The following TIAM2 variants were observed in gnomAD, a reference collection of about 807,000 sequenced individuals.
TIAM2 encodes the protein TIAM Rac1 associated GEF 2, also known as rho guanine nucleotide exchange factor TIAM2.
In TIAM2, 80 loss-of-function variants were observed where a neutral mutation model predicts 152.9. The observed-to-expected ratio is 0.52, with a 90% CI of 0.44 to 0.63. The LOEUF (loss-of-function observed/expected upper bound fraction) is 0.63, where lower values mean the gene tolerates loss of function less well. Ranked by LOEUF, TIAM2 falls within the 30% of genes least tolerant of loss-of-function variation. TIAM2 has a pLI of 0.00. For missense variants in TIAM2, 1,965 were observed against 2,120.1 expected, an observed-to-expected ratio of 0.93 and a Z score of 1.44; for synonymous variants, 804 against 838.0, an observed-to-expected ratio of 0.96 and a Z score of 0.70.
chr6:155,025,186 A>C (rs1776574044), intron 1 of TIAM2, among the ~76,000 whole-genome samples: 3 of 117,774 alleles, frequency 2.5e-5, no homozygotes, highest in African/African-American at 9.8e-5. Flanking sequence ...CGTCTGGCTA[A>C]TTTTTGTATT....
intron 9 of TIAM2, among the ~76,000 whole-genome samples, chr6:155,172,669 TATATATATATATATATA>T (rs1195851702): frequency 6.9e-3 from 66 of 9,576 alleles, no homozygotes; most frequent in African/African-American, 0.021. Flanking sequence ...TATATATATA[TATATATATATATATATA>T]TTTTTTTTTT....
At position 155,254,512 on chromosome 6, in the gene TIAM2, G is replaced by A. The variant is rs1562377084; in HGVS notation, c.4407G>A (p.Glu1469=). Residue 1469 remains glutamate, a synonymous_variant, in exon 26 of 27, where the codon GAG becomes GAA. Coordinates refer to ENST00000682666, the MANE Select transcript of TIAM2 (RefSeq NM_012454.4). ...RRHIKCELPL[E]KTCKDRLVPL... is the part of the protein sequence containing the mutation. The stretch of plus-strand genomic sequence containing the variant: ...ACATAAAGTGTGAATTACCACTGGA[G>A]AAAACGTGTAAGGATCGCCTGGTAC... 42 of 1,614,060 alleles carry A rather than the reference G, an allele frequency of 2.6e-5. No individual in the cohort carries two copies. The highest frequency in any genetic ancestry group is 3.4e-5 in the Non-Finnish European group (40 of 1,180,004).
intron 9 of TIAM2, among the ~76,000 whole-genome samples, chr6:155,167,068 A>G (rs1001809007): frequency 1.3e-5 from 2 of 152,158 alleles, no homozygotes; most frequent in Non-Finnish European, 2.9e-5. Context: ...CTTGTTTAAA[A>G]CCTTAAAACA....
intron 1 of TIAM2, among the ~76,000 whole-genome samples, chr6:155,000,249 G>A (rs537024599): frequency 6.6e-6 from 1 of 152,172 alleles, no homozygotes; most frequent in East Asian, 1.9e-4. Context: ...GAACTGTTAA[G>A]CTGGGCTGGG....
intron 14 of TIAM2, among the ~76,000 whole-genome samples, chr6:155,207,872 C>T (rs568669024): frequency 5.3e-5 from 8 of 152,234 alleles, no homozygotes; most frequent in South Asian, 4.2e-4. Flanking sequence ...AACAGTGGTT[C>T]GGGGAGTTTT....
At chr6:155,254,198 G>C (rs183943176) in intron 25 of TIAM2, 138 bp downstream of exon 25, 4 of 1,028,060 alleles carry the variant, frequency 3.9e-6, no homozygotes, top group Non-Finnish European at 5.6e-6. Flanking sequence ...AGGCAACTGA[G>C]GCCGCTAGTA....
intron 7 of TIAM2, among the ~76,000 whole-genome samples, chr6:155,155,417 C>G (rs977115020): frequency 4.6e-5 from 7 of 152,182 alleles, no homozygotes; most frequent in Admixed American, 3.9e-4. Flanking sequence ...CCGCCTGCCT[C>G]AGCCTCCCAA....
At chr6:155,016,332 C>T (rs947946089) in intron 1 of TIAM2, 1 of 152,150 alleles carries the variant, frequency 6.6e-6, no homozygotes, top group Non-Finnish European at 1.5e-5. Flanking sequence ...CTGCACTTGA[C>T]CTGGAAGGAT....
At chr6:155,111,705 T>C (rs1013685309) in intron 2 of TIAM2, among the ~76,000 whole-genome samples, 13 of 152,204 alleles carry the variant, frequency 8.5e-5, no homozygotes, top group African/African-American at 3.1e-4. Context: ...ATTTTAGGAA[T>C]GGCCCCTCTC....
At chr6:155,069,181 G>A (rs556762625) in intron 1 of TIAM2, among the ~76,000 whole-genome samples, 1 of 152,030 alleles carries the variant, frequency 6.6e-6, no homozygotes, top group Non-Finnish European at 1.5e-5. Flanking sequence ...TACAACCTCC[G>A]CCTCCCAGGT....
chr6:155,085,303 T>A lies in TIAM2; in HGVS notation c.-208-4986T>A, dbSNP rs977193894. 3.3e-5 allele frequency among the ~76,000 whole-genome samples: 5 copies of A among 152,176 alleles called. No individual in the cohort carries two copies. In the East Asian group the frequency reaches 9.7e-4, roughly 29 times the overall value. ...AAGAAGGCATGAATTTGAGAGAAAA[T>A]TTTTAGTAACAAATGCATTCTACTT... On this transcript the variant is annotated intron_variant, in intron 1 of 26. Coordinates refer to ENST00000682666, the MANE Select transcript of TIAM2 (RefSeq NM_012454.4).
At chr6:155,252,541 T>G (rs535640238) in intron 23 of TIAM2, among the ~76,000 whole-genome samples, 1 of 152,314 alleles carries the variant, frequency 6.6e-6, no homozygotes, top group African/African-American at 2.4e-5. Flanking sequence ...GACTTTTATA[T>G]CCCTGAAAAT....
Position 155,226,407 on chromosome 6 carries a change from C to T in TIAM2, c.3169-14123C>T, listed in dbSNP as rs112804220. Among the ~76,000 whole-genome samples, 18 of 152,256 alleles carry T rather than the reference C, an allele frequency of 1.2e-4. No individual in the cohort carries two copies. The South Asian group carries it at 1.5e-3, about 12-fold the overall frequency. ...ATGGTAGGTTGGGTGTGGTGGCTCA[C>T]GCCTGTAATCCCAGTACTTTGGGAG... On this transcript the variant is annotated intron_variant, in intron 15 of 26. Coordinates refer to ENST00000682666, the MANE Select transcript of TIAM2 (RefSeq NM_012454.4).
chr6:155,042,284 C>T lies in TIAM2; in HGVS notation c.-209+46792C>T, dbSNP rs578252847. Among the ~76,000 whole-genome samples the T allele has an allele frequency of 3.9e-4, 59 of 151,408 alleles. 1 individual carries two copies. The highest frequency in any genetic ancestry group is 1.4e-3 in the African/African-American group (56 of 40,974). On this transcript the variant is annotated intron_variant, in intron 1 of 26. Transcript: ENST00000682666. ...TCTTCCAGGGCTTGGTAAGTTTGGC[C>T]TATGCAACTTCCAAAGCCCATCCCT...
rs566992909 is a variant in TIAM2, at chr6:155,140,755, A to G, written c.1630+3143A>G. Among the ~76,000 whole-genome samples, 4 of 152,328 alleles carry G rather than the reference A, an allele frequency of 2.6e-5. No homozygotes were observed. In the South Asian group the frequency reaches 8.3e-4, roughly 32 times the overall value. ...TGGGTGAGAGTGAACAGCAGTGTGT[A>G]GAAGAGACATTGAATTTATTCTGGG... On this transcript the variant is annotated intron_variant, in intron 5 of 26. Coordinates refer to ENST00000682666, the MANE Select transcript of TIAM2 (RefSeq NM_012454.4).
intron 2 of TIAM2, among the ~76,000 whole-genome samples, chr6:155,117,609 A>ATTT (rs1779045881): frequency 2.0e-5 from 3 of 152,022 alleles, no homozygotes. Context: ...CGCCTGACTA[A>ATTT]TTTTTGTATT....
At chr6:155,064,881 T>TTTCTCCCCCTCTC (rs112843638) in intron 1 of TIAM2, among the ~76,000 whole-genome samples, 1 of 151,496 alleles carries the variant, frequency 6.6e-6, no homozygotes, top group African/African-American at 2.4e-5. Flanking sequence ...TTTCCCTTCC[T>TTTCTCCCCCTCTC]TTCTCCCCTC....
intron 3 of TIAM2, among the ~76,000 whole-genome samples, chr6:155,128,904 A>G (rs1050871827): frequency 1.8e-4 from 28 of 152,132 alleles, no homozygotes; most frequent in African/African-American, 5.8e-4. Flanking sequence ...AAGTCTCTCA[A>G]CACCAAGCCT....
At chr6:155,209,670 G>T (rs1781676170) in intron 14 of TIAM2, among the ~76,000 whole-genome samples, 1 of 152,200 alleles carries the variant, frequency 6.6e-6, no homozygotes, top group African/African-American at 2.4e-5. Context: ...AGTGAGGTAT[G>T]ACCGAGATTA....
Sources: allele counts gnomAD v4.1 joint callset (sites outside exome capture counted in the v4.1 genomes callset), GRCh38; gene constraint gnomAD v4.1.1; transcripts MANE v1.5; gene names NCBI Gene and HGNC (gene_info 2026-07-23, HGNC 2026-07-21).